Variants in WRN observed in about 807,000 individuals in gnomAD.
The protein encoded by WRN is bifunctional 3'-5' exonuclease/ATP-dependent helicase WRN.
WRN carries 149 observed loss-of-function variants against 180.7 expected under a neutral mutation model. The ratio of observed to expected loss-of-function variants is 0.82; its 90% CI spans 0.72 to 0.94. The LOEUF is 0.94. Among genes scored for constraint, WRN ranks in the 40% least tolerant of loss-of-function variants. The pLI, the probability that WRN is intolerant of heterozygous loss-of-function variation, is 0.00. For missense variants in WRN, 1,661 were observed against 1,700.1 expected (o/e 0.98, Z 0.40); for synonymous variants, 548 against 568.9 (o/e 0.96, Z 0.52).
chr8:31,116,755 A>C (rs1801538162), intron 20 of WRN, among the ~76,000 whole-genome samples: 1 of 152,178 alleles, frequency 6.6e-6, no homozygotes, highest in Admixed American at 6.5e-5. Context: ...GTAGTTGTGT[A>C]ATGGGGGTGG....
intron 21 of WRN, among the ~76,000 whole-genome samples, chr8:31,122,369 C>T (rs1801756403): frequency 6.6e-6 from 1 of 152,012 alleles, no homozygotes; most frequent in African/African-American, 2.4e-5. Flanking sequence ...AGGTCAGTTA[C>T]TCACAAAATT....
At position 31,155,429 on chromosome 8, in the gene WRN, T is replaced by A. The variant is rs1585534193; in HGVS notation, c.3819+674T>A. On this transcript the variant is annotated intron_variant, in intron 32 of 34. Coordinates refer to ENST00000298139, the MANE Select transcript of WRN (RefSeq NM_000553.6). ...TTTGAGGCCAGGGATTTGAGACCAG[T>A]TGGACAACATAGGGAGACCCTGTCT... is the stretch of plus-strand genomic sequence containing the variant. Among the ~76,000 whole-genome samples, 3 of 152,032 alleles carry A rather than the reference T, an allele frequency of 2.0e-5. No homozygotes were observed. The South Asian group carries it at 6.2e-4, about 32-fold the overall frequency.
chr8:31,174,192 T>G lies in WRN; in HGVS notation c.*1090T>G, dbSNP rs1342919939. Reference sequence around the variant, plus strand: ...TTTTCTGCATTGCATTACCAGAAGGTAGTGGCGCCTATTAAATATGTGATA... The same window carrying G: ...TTTTCTGCATTGCATTACCAGAAGGGAGTGGCGCCTATTAAATATGTGATA... On this transcript the variant is annotated 3_prime_UTR_variant, in exon 35 of 35. Transcript: ENST00000298139. Among the ~76,000 whole-genome samples the G allele has an allele frequency of 6.6e-6, 1 of 152,204 alleles. No individual in the cohort carries two copies. Among genetic ancestry groups the G allele is most frequent in the Non-Finnish European group, 1.5e-5 (1 of 68,038 alleles).
intron 1 of WRN, among the ~76,000 whole-genome samples, chr8:31,036,512 C>T (rs1811457877): frequency 6.6e-6 from 1 of 152,170 alleles, no homozygotes; most frequent in East Asian, 1.9e-4. Context: ...TCCTCGCCAA[C>T]ACTTATCTTT....
intron 33 of WRN, among the ~76,000 whole-genome samples, 170 bp downstream of exon 33, chr8:31,157,700 CAG>C (rs1803443648): frequency 6.6e-6 from 1 of 152,072 alleles, no homozygotes; most frequent in South Asian, 2.1e-4. Context: ...CATTATCACT[CAG>C]AGGAAAGTAT....
chr8:31,061,795 C>T (rs1313473926), intron 3 of WRN, among the ~76,000 whole-genome samples: 2 of 152,114 alleles, frequency 1.3e-5, no homozygotes, highest in Admixed American at 6.6e-5. Context: ...CTTTTCAGAA[C>T]GTTAATGCCT....
rs774308552 is a variant in WRN, at chr8:31,120,244, G to C, written c.2450G>C (p.Cys817Ser). ...AACTGTGTTGTGATTTGTTCTCAGT[G>C]TGTCATAGCTACCATAGCTTTTGGA... The part of the protein sequence containing the change: ...HHRFVRDEIQ[C>S]VIATIAFGMG... The change falls in exon 21 of 35, where the codon TGT (cysteine) becomes TCT (serine). Residue 817 changes from cysteine (C) to serine (S), a missense_variant and splice_region_variant. Cys to Ser is a moderately radical substitution (Grantham distance 112). This residue lies in a region of WRN where 1,141 missense variants were observed against 1,149.4 expected (regional missense o/e 0.99). Transcript: ENST00000298139. The C allele has an allele frequency of 1.2e-5, 19 of 1,612,454 alleles. No individual in the cohort carries two copies. Among genetic ancestry groups the C allele is most frequent in the Non-Finnish European group, 1.5e-5 (18 of 1,178,740 alleles).
intron 32 of WRN, among the ~76,000 whole-genome samples, chr8:31,156,783 C>T (rs937274907): frequency 2.0e-5 from 3 of 152,162 alleles, no homozygotes; most frequent in Non-Finnish European, 2.9e-5. Context: ...TAGCACTGTT[C>T]ATGTGAAGTT....
intron 17 of WRN, among the ~76,000 whole-genome samples, 174 bp downstream of exon 17, chr8:31,097,024 A>G (rs771814857): frequency 1.1e-4 from 16 of 152,194 alleles, no homozygotes; most frequent in South Asian, 6.2e-4. Context: ...ATGATACTCT[A>G]TAATTCCTTT....
rs367789256 is a variant in WRN at position 31,141,560 on chromosome 8, G to A, written c.3098G>A (p.Arg1033Gln). The change falls in exon 25 of 35, where the codon CGG becomes CAG. Residue 1033 changes from arginine (R) to glutamine (Q), a missense_variant. Arg to Gln is a conservative substitution (Grantham distance 43). Around this residue, in one of 3 missense-constraint regions of WRN, gnomAD observed 1,141 missense variants for 1,149.4 expected, o/e 0.99. Coordinates refer to ENST00000298139, the MANE Select transcript of WRN (RefSeq NM_000553.6). ...GAGGGATTCTTGGTAGAAGTTTCTC[G>A]GTATAACAAATTTATGAAGATTTGC... ...ITEGFLVEVS[R>Q]YNKFMKICAL... is the part of the protein sequence containing the mutation. The A allele has an allele frequency of 8.7e-6, 14 of 1,613,944 alleles. No individual in the cohort carries two copies. In the East Asian group the frequency reaches 8.9e-5, roughly 10 times the overall value.
chr8:31,174,005 A>G lies in WRN; in HGVS notation c.*903A>G, dbSNP rs111566913. The stretch of plus-strand genomic sequence containing the variant: ...TTGTTAAGAAACAAATATATCTGTC[A>G]TAGAAGAACTAGAAAATCCAGGGAA... On this transcript the variant is annotated 3_prime_UTR_variant, in exon 35 of 35. Coordinates refer to ENST00000298139, the MANE Select transcript of WRN (RefSeq NM_000553.6). Among the ~76,000 whole-genome samples, 29 of 152,354 alleles carry G rather than the reference A, an allele frequency of 1.9e-4. No individual in the cohort carries two copies. Among genetic ancestry groups the G allele is most frequent in the Middle Eastern group, 3.4e-3 (1 of 294 alleles).
intron 7 of WRN, among the ~76,000 whole-genome samples, chr8:31,071,801 G>A (rs140649848): frequency 0.02 from 3,062 of 152,250 alleles, 54 homozygotes; most frequent in Non-Finnish European, 0.03. Flanking sequence ...ATTTAATAGA[G>A]CAAGCATGAG....
At chr8:31,047,114 TTC>T (rs1362420043) in intron 1 of WRN, among the ~76,000 whole-genome samples, 2 of 151,968 alleles carry the variant, frequency 1.3e-5, no homozygotes, top group Non-Finnish European at 2.9e-5. Flanking sequence ...ATTTATGCGT[TTC>T]TCTTTCTACC....
At chr8:31,139,059 A>G (rs1176700639) in intron 24 of WRN, among the ~76,000 whole-genome samples, 2 of 152,218 alleles carry the variant, frequency 1.3e-5, no homozygotes, top group East Asian at 3.8e-4. Context: ...TATTAAAACA[A>G]TGTATCTTTA....
At chr8:31,135,308 C>T (rs929768658) in intron 24 of WRN, among the ~76,000 whole-genome samples, 18 of 152,040 alleles carry the variant, frequency 1.2e-4, no homozygotes. Context: ...ATACCCACCA[C>T]CCTTGGCCTC....
intron 19 of WRN, among the ~76,000 whole-genome samples, chr8:31,115,470 A>G (rs1331279868): frequency 5.9e-5 from 9 of 152,168 alleles, no homozygotes; most frequent in Admixed American, 5.9e-4. Context: ...GTAGATAATG[A>G]TGAACATTTA....
chr8:31,098,397 ATACT>A (rs1307694146), intron 17 of WRN, among the ~76,000 whole-genome samples: 1 of 152,158 alleles, frequency 6.6e-6, no homozygotes, highest in South Asian at 2.1e-4. Context: ...ATTTAAGCAA[ATACT>A]TAATACTTCT....
intron 3 of WRN, among the ~76,000 whole-genome samples, chr8:31,060,727 A>G (rs1251235566): frequency 6.6e-6 from 1 of 152,238 alleles, no homozygotes; most frequent in Non-Finnish European, 1.5e-5. Context: ...GTTTATGATT[A>G]CATATTAACT....
At chr8:31,044,500 G>C (rs959658486) in intron 1 of WRN, among the ~76,000 whole-genome samples, 3 of 152,004 alleles carry the variant, frequency 2.0e-5, no homozygotes, top group African/African-American at 7.2e-5. Context: ...GGGATTACAG[G>C]CGCCCGCCAC....
Sources: gnomAD v4.1 joint callset for allele counts (sites outside exome capture counted in the v4.1 genomes callset) on GRCh38, gnomAD v4.1.1 for gene constraint, gnomAD v4.1.1 regional missense constraint, MANE v1.5 for transcripts, NCBI Gene and HGNC (gene_info 2026-07-23, HGNC 2026-07-21) for gene names.